Variants in HIP1 observed in about 807,000 individuals in gnomAD.
HIP1 encodes the protein huntingtin-interacting protein 1.
A neutral mutation model predicts 147.6 loss-of-function variants in HIP1; 65 were observed. That is an observed-to-expected ratio of 0.44 (90% CI 0.36 to 0.54). HIP1 has a LOEUF of 0.54. HIP1 is among the 20% of genes least tolerant of loss of function. The probability of loss-of-function intolerance (pLI) is 0.00; values close to 1 mark genes in which losing one functional copy is unlikely to be tolerated. For missense variants in HIP1, 1,061 were observed against 1,299.6 expected (o/e 0.82, Z 2.82); for synonymous variants, 479 against 504.0 (o/e 0.95, Z 0.67).
At chr7:75,605,483 G>T (rs1797189515) in intron 1 of HIP1, among the ~76,000 whole-genome samples, 1 of 152,204 alleles carries the variant, frequency 6.6e-6, no homozygotes, top group Admixed American at 6.5e-5. Context: ...GGCAGCTGGG[G>T]TAGAGCTGGA....
rs71098061 is a variant in HIP1 at position 75,678,360 on chromosome 7, T to TTTTTTTTTC, written c.120+60440_120+60441insGAAAAAAAA. Among the ~76,000 whole-genome samples the TTTTTTTTTC allele has an allele frequency of 3.8e-4, 49 of 127,544 alleles. 2 individuals carry two copies. The highest frequency in any genetic ancestry group is 5.0e-4 in the South Asian group (2 of 3,996). 83.7% of individuals were successfully genotyped at this position (127,544 alleles called of 152,430 possible). On this transcript the variant is annotated intron_variant, in intron 1 of 30. Coordinates refer to ENST00000336926, the MANE Select transcript of HIP1 (RefSeq NM_005338.7). ...TTATTCTTTTTTTTTTTTTTTTTTT[T>TTTTTTTTTC]TGAGACAGCATCTCACTCTGTCACC... is the stretch of plus-strand genomic sequence containing the variant.
intron 2 of HIP1, among the ~76,000 whole-genome samples, chr7:75,595,243 T>TTCCTTCCTTCCTTCCTTCCTTC (rs1796670489): frequency 8.6e-5 from 9 of 104,864 alleles, no homozygotes; most frequent in Non-Finnish European, 1.1e-4. Context: ...TTTCTTTCTT[T>TTCCTTCCTTCCTTCCTTCCTTC]CTTTCTTTCT....
intron 1 of HIP1, among the ~76,000 whole-genome samples, chr7:75,732,407 G>C (rs2117409452): frequency 6.6e-6 from 1 of 152,192 alleles, no homozygotes; most frequent in South Asian, 2.1e-4. Flanking sequence ...GTCTGGCTCT[G>C]TCACCCAGTC....
chr7:75,660,208 A>C (rs1799268431), intron 1 of HIP1, among the ~76,000 whole-genome samples: 1 of 121,314 alleles, frequency 8.2e-6, no homozygotes, highest in Admixed American at 8.1e-5. Flanking sequence ...TTAAGATACG[A>C]TACGTGGTAA....
chr7:75,633,658 C>T (rs782346528), intron 1 of HIP1, among the ~76,000 whole-genome samples: 13 of 152,178 alleles, frequency 8.5e-5, no homozygotes, highest in South Asian at 2.1e-4. Flanking sequence ...GGGCTGAAAA[C>T]GCTGCTCTGT....
At chr7:75,594,919 C>A (rs1554501563) in intron 2 of HIP1, among the ~76,000 whole-genome samples, 3 of 152,210 alleles carry the variant, frequency 2.0e-5, no homozygotes, top group African/African-American at 7.2e-5. Flanking sequence ...GACCCAGTAA[C>A]TGGGCACTGT....
chr7:75,574,215 C>T (rs587769311), intron 7 of HIP1, among the ~76,000 whole-genome samples: 8 of 151,312 alleles, frequency 5.3e-5, no homozygotes, highest in Middle Eastern at 6.9e-3. Flanking sequence ...ATCGCTTGAA[C>T]CCGAGAGGCA....
chr7:75,541,359 T>C (rs1794304126), intron 29 of HIP1, among the ~76,000 whole-genome samples: 1 of 151,922 alleles, frequency 6.6e-6, no homozygotes, highest in Non-Finnish European at 1.5e-5. Context: ...TGAAACCCTG[T>C]CTCTACTAAA....
chr7:75,573,556 G>C (rs900973646), intron 8 of HIP1, among the ~76,000 whole-genome samples: 1 of 152,176 alleles, frequency 6.6e-6, no homozygotes, highest in Non-Finnish European at 1.5e-5. Flanking sequence ...CGCAAGAGTG[G>C]CAAGCCAGGG....
At chr7:75,589,415 T>C (rs1043500955) in intron 4 of HIP1, among the ~76,000 whole-genome samples, 1 of 152,008 alleles carries the variant, frequency 6.6e-6, no homozygotes, top group Non-Finnish European at 1.5e-5. Flanking sequence ...CTGGGCGCGA[T>C]GGCTGATGCC....
chr7:75,547,294 G>C (rs1229025585), intron 24 of HIP1, among the ~76,000 whole-genome samples: 1 of 152,182 alleles, frequency 6.6e-6, no homozygotes, highest in African/African-American at 2.4e-5. Flanking sequence ...TTGAGACAGA[G>C]TCTTGCTCTG....
intron 2 of HIP1, among the ~76,000 whole-genome samples, chr7:75,595,243 T>TTCCTTCCTTCCTTC (rs1796670489): frequency 3.6e-4 from 38 of 104,802 alleles, no homozygotes; most frequent in Middle Eastern, 4.3e-3. Context: ...TTTCTTTCTT[T>TTCCTTCCTTCCTTC]CTTTCTTTCT....
At chr7:75,547,870 G>T in intron 23 of HIP1, 57 bp from the exon 24 acceptor site, 1 of 1,454,212 alleles carries the variant, frequency 6.9e-7, no homozygotes, top group Non-Finnish European at 9.7e-7. Context: ...ATCCACTAAT[G>T]TCTTACTATA....
chr7:75,669,871 G>A (rs28844120), intron 1 of HIP1, among the ~76,000 whole-genome samples: 19,181 of 152,116 alleles, frequency 0.13, 1,319 homozygotes, highest in East Asian at 0.2. Flanking sequence ...GCACGATCTC[G>A]GCTCACTGCA....
chr7:75,560,938 T>A (rs1205759916), intron 13 of HIP1, among the ~76,000 whole-genome samples: 1 of 147,726 alleles, frequency 6.8e-6, no homozygotes, highest in Non-Finnish European at 1.5e-5. Context: ...GTCCAAAAAC[T>A]GTCTAGGTGA....
At chr7:75,724,705 T>G (rs893004455) in intron 1 of HIP1, among the ~76,000 whole-genome samples, 14 of 152,110 alleles carry the variant, frequency 9.2e-5, no homozygotes, top group Non-Finnish European at 2.1e-4. Flanking sequence ...AATGAGAAAT[T>G]TAGGGCCTGT....
At chr7:75,554,641 G>A (rs1233776539) in intron 19 of HIP1, 115 bp from the exon 20 acceptor site, 4 of 702,788 alleles carry the variant, frequency 5.7e-6, no homozygotes, top group South Asian at 1.6e-5. Flanking sequence ...CTGCCTAGAC[G>A]TGAAGTTCAT....
At chr7:75,605,574 C>T (rs587648023) in intron 1 of HIP1, among the ~76,000 whole-genome samples, 1 of 152,266 alleles carries the variant, frequency 6.6e-6, no homozygotes, top group South Asian at 2.1e-4. Context: ...GCCCTGTCGC[C>T]CAGGCTGAAG....
At chr7:75,718,074 G>A (rs1801378126) in intron 1 of HIP1, among the ~76,000 whole-genome samples, 1 of 151,864 alleles carries the variant, frequency 6.6e-6, no homozygotes, top group Non-Finnish European at 1.5e-5. Context: ...CTTGAGGCCA[G>A]TAGTTCAAGA....
Sources: gnomAD v4.1 joint callset for allele counts (sites outside exome capture counted in the v4.1 genomes callset) on GRCh38, gnomAD v4.1.1 for gene constraint, MANE v1.5 for transcripts, NCBI Gene and HGNC (gene_info 2026-07-23, HGNC 2026-07-21) for gene names.